Variants in GPC5 observed in about 807,000 individuals in gnomAD.
The protein encoded by GPC5 is glypican-5.
In GPC5, 47 loss-of-function variants were observed where a neutral mutation model predicts 53.9. The ratio of observed to expected loss-of-function variants is 0.87; its 90% CI spans 0.69 to 1.11. The LOEUF is 1.11. GPC5 is among the 50% of genes most tolerant of loss of function. GPC5 has a pLI of 0.00. For synonymous variants in GPC5, 286 were observed against 263.3 expected, an observed-to-expected ratio of 1.09 and a Z score of -0.84; for missense variants, 748 against 713.1, an observed-to-expected ratio of 1.05 and a Z score of -0.56.
At chr13:92,832,286 G>T (rs1225276585) in intron 7 of GPC5, among the ~76,000 whole-genome samples, 1 of 152,116 alleles carries the variant, frequency 6.6e-6, no homozygotes, top group East Asian at 1.9e-4. Flanking sequence ...GCATTTGTCT[G>T]CCTGAATTTC....
At chr13:92,805,139 A>T (rs1306187478) in intron 7 of GPC5, among the ~76,000 whole-genome samples, 3 of 152,048 alleles carry the variant, frequency 2.0e-5, no homozygotes, top group Non-Finnish European at 2.9e-5. Flanking sequence ...TGACATTTTG[A>T]CCTTTATCCA....
intron 7 of GPC5, among the ~76,000 whole-genome samples, chr13:92,819,260 C>G (rs1307566178): frequency 6.7e-6 from 1 of 149,820 alleles, no homozygotes; most frequent in Non-Finnish European, 1.5e-5. Flanking sequence ...GTAGAAGATA[C>G]CTAGCACATA....
chr13:92,569,291 T>A (rs1377454901), intron 7 of GPC5, among the ~76,000 whole-genome samples: 1 of 151,978 alleles, frequency 6.6e-6, no homozygotes, highest in Non-Finnish European at 1.5e-5. Context: ...ACTGTCCTCC[T>A]GTAGGTACTA....
chr13:91,885,403 A>G (rs1487133249), intron 5 of GPC5, among the ~76,000 whole-genome samples: 3 of 152,172 alleles, frequency 2.0e-5, no homozygotes, highest in African/African-American at 4.8e-5. Flanking sequence ...GCTAGTTGCT[A>G]TTTAAATATG....
chr13:91,478,995 C>T (rs926124586), intron 2 of GPC5, among the ~76,000 whole-genome samples: 1 of 149,778 alleles, frequency 6.7e-6, no homozygotes, highest in Non-Finnish European at 1.5e-5. Flanking sequence ...TCACTGCAAC[C>T]TCCGCCTTCT....
chr13:92,148,972 T>C (rs556095242), intron 7 of GPC5, among the ~76,000 whole-genome samples: 3 of 152,084 alleles, frequency 2.0e-5, no homozygotes, highest in Admixed American at 6.6e-5. Flanking sequence ...TCTTATGTGA[T>C]CTTATGATTT....
At chr13:91,645,658 T>A (rs2034541285) in intron 2 of GPC5, among the ~76,000 whole-genome samples, 1 of 152,228 alleles carries the variant, frequency 6.6e-6, no homozygotes, top group Admixed American at 6.5e-5. Context: ...CGTTATGTAT[T>A]ACTGAAATTT....
intron 7 of GPC5, among the ~76,000 whole-genome samples, chr13:92,802,018 T>A (rs1003442703): frequency 6.6e-6 from 1 of 151,848 alleles, no homozygotes; most frequent in African/African-American, 2.4e-5. Flanking sequence ...AAGTCTACAG[T>A]AGTGTACAAT....
intron 2 of GPC5, among the ~76,000 whole-genome samples, chr13:91,588,287 C>T (rs1039065518): frequency 1.3e-5 from 2 of 152,160 alleles, no homozygotes; most frequent in African/African-American, 4.8e-5. Flanking sequence ...TTACTTCCCA[C>T]TTTGCAGTCA....
chr13:92,189,299 A>C (rs2042205753), intron 7 of GPC5, among the ~76,000 whole-genome samples: 2 of 152,144 alleles, frequency 1.3e-5, no homozygotes, highest in African/African-American at 4.8e-5. Context: ...ATTAACAGCC[A>C]AACCTACCTG....
chr13:91,938,592 C>T (rs766838319), intron 6 of GPC5, among the ~76,000 whole-genome samples: 1 of 152,114 alleles, frequency 6.6e-6, no homozygotes, highest in Non-Finnish European at 1.5e-5. Flanking sequence ...AAGGCCACTG[C>T]CTACTGGCCA....
intron 7 of GPC5, among the ~76,000 whole-genome samples, chr13:92,428,532 G>A (rs1319092210): frequency 6.6e-6 from 1 of 152,042 alleles, no homozygotes; most frequent in Admixed American, 6.6e-5. Flanking sequence ...AGACGAGTGG[G>A]TGTCTGATCA....
rs112431243 is a variant in GPC5 at position 92,080,209 on chromosome 13, T to C, written c.1402-64621T>C. Among the ~76,000 whole-genome samples, 802 of 152,246 alleles carry C rather than the reference T, an allele frequency of 5.3e-3. 11 individuals carry two copies. Among genetic ancestry groups the C allele is most frequent in the Middle Eastern group, 0.031 (9 of 294 alleles). ...GCTCTTTTATTTTTTTCTTTCTCCCTGCACCATCGTTCTCCACAGGTCTGC... is the reference window on the plus strand; with the variant it reads ...GCTCTTTTATTTTTTTCTTTCTCCCCGCACCATCGTTCTCCACAGGTCTGC... On this transcript the variant is annotated intron_variant, in intron 6 of 7. Transcript: ENST00000377067.
chr13:92,244,588 G>A (rs543760068), intron 7 of GPC5, among the ~76,000 whole-genome samples: 5 of 152,018 alleles, frequency 3.3e-5, no homozygotes, highest in Admixed American at 6.6e-5. Context: ...CTTGAGTGAT[G>A]TTCTTACTCA....
intron 7 of GPC5, among the ~76,000 whole-genome samples, chr13:92,380,223 T>C (rs2043727621): frequency 6.6e-6 from 1 of 152,106 alleles, no homozygotes; most frequent in Non-Finnish European, 1.5e-5. Context: ...CAGCCCCCTT[T>C]CCAGTAAATG....
chr13:92,677,319 A>G (rs1886977981), intron 7 of GPC5, among the ~76,000 whole-genome samples: 1 of 152,196 alleles, frequency 6.6e-6, no homozygotes, highest in African/African-American at 2.4e-5. Context: ...TAACTTGAAT[A>G]CAACCTAAAC....
At chr13:92,155,952 TA>T (rs1286315925) in intron 7 of GPC5, among the ~76,000 whole-genome samples, 2 of 152,222 alleles carry the variant, frequency 1.3e-5, no homozygotes, top group African/African-American at 2.4e-5. Context: ...TTTATGGTGA[TA>T]AATTTTTGTG....
intron 2 of GPC5, among the ~76,000 whole-genome samples, chr13:91,519,843 A>T (rs1026387898): frequency 6.6e-6 from 1 of 151,698 alleles, no homozygotes; most frequent in African/African-American, 2.4e-5. Flanking sequence ...GTAATTGCAA[A>T]CTCATTTTGG....
intron 7 of GPC5, among the ~76,000 whole-genome samples, chr13:92,214,075 G>A (rs1251477457): frequency 6.6e-6 from 1 of 152,156 alleles, no homozygotes; most frequent in Non-Finnish European, 1.5e-5. Flanking sequence ...CATGATTAGA[G>A]GAGTGTAACT....
Sources: allele counts gnomAD v4.1 joint callset (sites outside exome capture counted in the v4.1 genomes callset), GRCh38; gene constraint gnomAD v4.1.1; transcripts MANE v1.5; gene names NCBI Gene and HGNC (gene_info 2026-07-23, HGNC 2026-07-21).